C3orf20: variants seen among roughly 807,000 people sequenced by gnomAD.
C3orf20 encodes the protein family with sequence similarity 149 member C.
C3orf20 carries 76 observed loss-of-function variants against 88.3 expected under a neutral mutation model. The ratio of observed to expected loss-of-function variants is 0.86; its 90% CI spans 0.72 to 1.04. The LOEUF (loss-of-function observed/expected upper bound fraction) is 1.04. C3orf20 is among the 50% of genes least tolerant of loss of function. C3orf20 has a pLI of 0.00. For missense variants in C3orf20, 1,056 were observed against 1,123.3 expected (o/e 0.94, Z 0.86); for synonymous variants, 436 against 437.4 (o/e 1.00, Z 0.04).
At chr3:14,762,281 C>T (rs2035585139) in intron 15 of C3orf20, among the ~76,000 whole-genome samples, 1 of 152,342 alleles carries the variant, frequency 6.6e-6, no homozygotes, top group South Asian at 2.1e-4. Flanking sequence ...GGCTTCTGAG[C>T]TTGGGCTTTT....
chr3:14,733,041 C>G (rs2034590672), intron 12 of C3orf20, among the ~76,000 whole-genome samples: 1 of 152,030 alleles, frequency 6.6e-6, no homozygotes, highest in Non-Finnish European at 1.5e-5. Context: ...ACTTTGATTT[C>G]AAATGTTGAA....
chr3:14,771,914 C>T (rs1356944166), intron 15 of C3orf20, among the ~76,000 whole-genome samples, 153 bp from the exon 16 acceptor site: 3 of 152,230 alleles, frequency 2.0e-5, no homozygotes, highest in Non-Finnish European at 2.9e-5. Flanking sequence ...CAGCATGTCA[C>T]TGGGTCCCCA....
At chr3:14,696,601 C>G (rs2033014939) in intron 5 of C3orf20, among the ~76,000 whole-genome samples, 1 of 151,882 alleles carries the variant, frequency 6.6e-6, no homozygotes, top group African/African-American at 2.4e-5. Context: ...TGATCTCGAA[C>G]TCCTGACCTC....
At chr3:14,770,201 G>C (rs781600450) in intron 15 of C3orf20, among the ~76,000 whole-genome samples, 2 of 152,178 alleles carry the variant, frequency 1.3e-5, no homozygotes, top group Non-Finnish European at 2.9e-5. Context: ...CCTCAGGCAG[G>C]CCTCTAAGAG....
At chr3:14,747,762 A>G (rs574163576) in intron 12 of C3orf20, among the ~76,000 whole-genome samples, 44 of 152,306 alleles carry the variant, frequency 2.9e-4, no homozygotes, top group Admixed American at 7.8e-4. Flanking sequence ...GTAACTGATC[A>G]CATAGAAATC....
rs2035779015 is a variant in C3orf20 at position 14,768,535 on chromosome 3, G to A, written c.2496-3532G>A. On this transcript the variant is annotated intron_variant, in intron 15 of 16. Coordinates refer to ENST00000253697, the MANE Select transcript of C3orf20 (RefSeq NM_032137.5). This position sits in a 1 kb window ranked among gnomAD's most constrained non-coding sequence, Gnocchi z 4.1. ...GCTGAGAGAGACTTGATCAGAGTTG[G>A]GCTTTAGACTCATGAACCTGGCAGG... 6.6e-6 allele frequency among the ~76,000 whole-genome samples: 1 copy of A among 152,002 alleles called. No individual in the cohort carries two copies. Among genetic ancestry groups the A allele is most frequent in the Non-Finnish European group, 1.5e-5 (1 of 68,034 alleles).
At chr3:14,683,802 G>C (rs1473271984) in intron 3 of C3orf20, among the ~76,000 whole-genome samples, 1 of 151,576 alleles carries the variant, frequency 6.6e-6, no homozygotes, top group African/African-American at 2.4e-5. Context: ...CTTGAACCCA[G>C]GAGGTGGAGG....
At position 14,727,041 on chromosome 3, in the gene C3orf20, G is replaced by A. The variant is rs1317447031; in HGVS notation, c.1690+17G>A. ...TGGCCGCAGGTAAGGAGGCTGAAAGGTGGGCGAAGGCCTATCTGTTGGCTT... is the reference window on the plus strand; with the variant it reads ...TGGCCGCAGGTAAGGAGGCTGAAAGATGGGCGAAGGCCTATCTGTTGGCTT... On this transcript the variant is annotated intron_variant, in intron 11 of 16. Coordinates refer to ENST00000253697, the MANE Select transcript of C3orf20 (RefSeq NM_032137.5). The A allele has an allele frequency of 1.2e-6, 2 of 1,614,032 alleles. No homozygotes were observed. The highest frequency in any genetic ancestry group is 1.7e-5 in the Admixed American group (1 of 60,026).
At chr3:14,732,208 C>G (rs2034558376) in intron 12 of C3orf20, among the ~76,000 whole-genome samples, 1 of 152,206 alleles carries the variant, frequency 6.6e-6, no homozygotes, top group Non-Finnish European at 1.5e-5. Flanking sequence ...GGTAATATCC[C>G]ATTATCGTTT....
intron 12 of C3orf20, among the ~76,000 whole-genome samples, chr3:14,745,100 A>G (rs1384879911): frequency 6.6e-6 from 1 of 152,208 alleles, no homozygotes; most frequent in African/African-American, 2.4e-5. Flanking sequence ...CAACTGACAA[A>G]TCTGTTTGCC....
intron 1 of C3orf20, among the ~76,000 whole-genome samples, chr3:14,677,518 A>G (rs1170802707): frequency 1.3e-5 from 2 of 151,600 alleles, no homozygotes; most frequent in Admixed American, 1.3e-4. Flanking sequence ...TTGTTTTTTT[A>G]GACGGGAGTT....
chr3:14,742,948 A>G (rs184734929), intron 12 of C3orf20, among the ~76,000 whole-genome samples: 8 of 152,160 alleles, frequency 5.3e-5, no homozygotes, highest in South Asian at 4.1e-4. Context: ...AACACGTGGG[A>G]ATTCTGAGAG....
In C3orf20 at chr3:14,727,086, G is replaced by A; in HGVS notation, c.1690+62G>A. 8.8e-6 allele frequency: 14 copies of A among 1,586,068 alleles called. 1 individual carries two copies. In the South Asian group the frequency reaches 1.2e-4, roughly 14 times the overall value. ...TGGCTTCCCCAGTCCTGAGATTCTGGCAGGTCATCTCAAGGGACAGACCTT... is the reference window on the plus strand; with the variant it reads ...TGGCTTCCCCAGTCCTGAGATTCTGACAGGTCATCTCAAGGGACAGACCTT... On this transcript the variant is annotated intron_variant, in intron 11 of 16. Transcript: ENST00000253697.
At chr3:14,756,471 A>G (rs2035376232) in intron 12 of C3orf20, among the ~76,000 whole-genome samples, 1 of 152,196 alleles carries the variant, frequency 6.6e-6, no homozygotes. Flanking sequence ...GAGAAGTGCA[A>G]TAATAAAATT....
At position 14,768,716 on chromosome 3, in the gene C3orf20, C is replaced by G. The variant is rs2035786365; in HGVS notation, c.2496-3351C>G. On this transcript the variant is annotated intron_variant, in intron 15 of 16. Transcript: ENST00000253697. This position sits in a 1 kb window ranked among gnomAD's most constrained non-coding sequence, Gnocchi z 4.1. The stretch of plus-strand genomic sequence containing the variant: ...ACCTTCCTGAAGTAGACCAGGGGCT[C>G]AGAAATAGTGGGCTAGCCGCAATAC... Among the ~76,000 whole-genome samples, 1 of 151,978 alleles carries G rather than the reference C, an allele frequency of 6.6e-6. No homozygotes were observed. Among genetic ancestry groups the G allele is most frequent in the Non-Finnish European group, 1.5e-5 (1 of 68,020 alleles).
At chr3:14,723,632 C>G (rs1450884598) in intron 10 of C3orf20, among the ~76,000 whole-genome samples, 1 of 152,120 alleles carries the variant, frequency 6.6e-6, no homozygotes, top group East Asian at 1.9e-4. Context: ...ACACAGGTGC[C>G]TGTGAATCCG....
At chr3:14,704,828 C>T (rs2124939035) in intron 7 of C3orf20, among the ~76,000 whole-genome samples, 1 of 152,314 alleles carries the variant, frequency 6.6e-6, no homozygotes, top group East Asian at 1.9e-4. Flanking sequence ...CAGTTCAGAT[C>T]AACAGGAACA....
chr3:14,764,422 A>T (rs1042923339), intron 15 of C3orf20, among the ~76,000 whole-genome samples: 1 of 152,200 alleles, frequency 6.6e-6, no homozygotes, highest in African/African-American at 2.4e-5. Context: ...AGTTGTTCCT[A>T]TAATCCGTAT....
intron 7 of C3orf20, among the ~76,000 whole-genome samples, chr3:14,705,246 C>G (rs942685212): frequency 4.6e-5 from 7 of 152,232 alleles, no homozygotes; most frequent in Non-Finnish European, 1.0e-4. Context: ...AGACCTTCTC[C>G]CTAGAAATAA....
Sources: gnomAD v4.1 joint callset for allele counts (sites outside exome capture counted in the v4.1 genomes callset) on GRCh38, gnomAD v4.1.1 for gene constraint, Gnocchi (gnomAD v3.1) non-coding constraint, MANE v1.5 for transcripts, NCBI Gene and HGNC (gene_info 2026-07-23, HGNC 2026-07-21) for gene names.